YAF2: variants seen among roughly 807,000 people sequenced by gnomAD.
The protein encoded by YAF2 is YY1-associated factor 2.
In YAF2, 7 loss-of-function variants were observed where a neutral mutation model predicts 20.1. The observed-to-expected ratio is 0.35, with a 90% CI of 0.20 to 0.65. The LOEUF (loss-of-function observed/expected upper bound fraction) is 0.65. YAF2 is among the 30% of genes least tolerant of loss of function. The probability of loss-of-function intolerance (pLI) is 0.69; values close to 1 mark genes in which losing one functional copy is unlikely to be tolerated. For synonymous variants in YAF2, 74 were observed against 76.0 expected, an observed-to-expected ratio of 0.97 and a Z score of 0.14; for missense variants, 151 against 219.2, an observed-to-expected ratio of 0.69 and a Z score of 1.96.
intron 2 of YAF2, chr12:42,235,504 T>A: frequency 7.9e-7 from 1 of 1,271,890 alleles, no homozygotes; most frequent in Non-Finnish European, 1.0e-6. Context: ...AAATAACAGA[T>A]AACAGAGAAA....
At chr12:42,195,862 A>G (rs1295996034) in intron 2 of YAF2, among the ~76,000 whole-genome samples, 1 of 152,100 alleles carries the variant, frequency 6.6e-6, no homozygotes. Context: ...ATTGAAATGA[A>G]TAGAAATTAA....
intron 2 of YAF2, among the ~76,000 whole-genome samples, chr12:42,187,476 T>C (rs1276060804): frequency 2.0e-5 from 3 of 152,140 alleles, no homozygotes; most frequent in South Asian, 4.1e-4. Flanking sequence ...AATCTTTTTT[T>C]TTTTAAACTT....
At chr12:42,217,033 G>T (rs2067376353) in intron 2 of YAF2, among the ~76,000 whole-genome samples, 1 of 152,122 alleles carries the variant, frequency 6.6e-6, no homozygotes, top group African/African-American at 2.4e-5. Context: ...CCCTTGTTCA[G>T]GACATTACTG....
intron 2 of YAF2, chr12:42,234,737 C>T: frequency 1.0e-6 from 1 of 982,892 alleles, no homozygotes; most frequent in Admixed American, 6.1e-5. Context: ...CCTATAATCC[C>T]AGTTCTTTGG....
intron 2 of YAF2, among the ~76,000 whole-genome samples, chr12:42,165,214 G>A (rs1220519118): frequency 1.3e-5 from 2 of 152,072 alleles, no homozygotes; most frequent in Non-Finnish European, 2.9e-5. Flanking sequence ...AAAAAACTGT[G>A]TGTTGTGATA....
intron 2 of YAF2, chr12:42,235,774 G>T (rs2068131044): frequency 1.3e-6 from 2 of 1,535,068 alleles, no homozygotes. Flanking sequence ...AAAAAAAAAT[G>T]TCAGGGGCCC....
intron 2 of YAF2, among the ~76,000 whole-genome samples, chr12:42,207,111 C>T (rs982188039): frequency 2.0e-5 from 3 of 152,130 alleles, no homozygotes; most frequent in Non-Finnish European, 4.4e-5. Flanking sequence ...AAAGCACTCT[C>T]AATATAACGA....
chr12:42,174,141 T>C (rs2066122881), intron 2 of YAF2, among the ~76,000 whole-genome samples: 2 of 151,954 alleles, frequency 1.3e-5, no homozygotes, highest in Admixed American at 1.3e-4. Context: ...TACATCCCTG[T>C]CTAGCCACTG....
At chr12:42,228,665 G>T (rs1218040307) in intron 2 of YAF2, among the ~76,000 whole-genome samples, 1 of 107,366 alleles carries the variant, frequency 9.3e-6, no homozygotes. Context: ...GTGGGGGGGG[G>T]GTCAGCCCCC....
intron 2 of YAF2, among the ~76,000 whole-genome samples, chr12:42,201,236 C>G (rs1478331640): frequency 6.6e-6 from 1 of 152,092 alleles, no homozygotes; most frequent in African/African-American, 2.4e-5. Flanking sequence ...AGACTAATAC[C>G]TTGAATAGTA....
chr12:42,177,937 CCTA>C (rs1341428880), intron 2 of YAF2, among the ~76,000 whole-genome samples: 10 of 152,098 alleles, frequency 6.6e-5, no homozygotes, highest in Non-Finnish European at 1.2e-4. Context: ...CACTTCTCTA[CCTA>C]CTACATTACA....
intron 2 of YAF2, among the ~76,000 whole-genome samples, chr12:42,222,471 C>T (rs1372694238): frequency 6.6e-6 from 1 of 152,132 alleles, no homozygotes; most frequent in African/African-American, 2.4e-5. Flanking sequence ...ATTTGACTAG[C>T]GGACCATCTT....
rs1481160877 is a variant in YAF2 at position 42,227,732 on chromosome 12, C to G, written c.152+9867G>C. On this transcript the variant is annotated intron_variant, in intron 2 of 3. Coordinates refer to ENST00000534854, the MANE Select transcript of YAF2 (RefSeq NM_005748.6). ...GAGCGTCTCCGCCCGGCAGCCACCCCGTCCGGGAGGGAGGTGGGGGGGTCA... is the reference window on the plus strand; with the variant it reads ...GAGCGTCTCCGCCCGGCAGCCACCCGGTCCGGGAGGGAGGTGGGGGGGTCA... Among the ~76,000 whole-genome samples, 9 of 150,326 alleles carry G rather than the reference C, an allele frequency of 6.0e-5. No homozygotes were observed. The South Asian group carries it at 1.9e-3, about 32-fold the overall frequency.
intron 2 of YAF2, among the ~76,000 whole-genome samples, chr12:42,171,433 T>A (rs2066044808): frequency 6.6e-6 from 1 of 151,704 alleles, no homozygotes; most frequent in South Asian, 2.1e-4. Context: ...GGGGCTGCAG[T>A]GCACTATGAT....
chr12:42,169,816 T>C (rs1320285727), intron 2 of YAF2, among the ~76,000 whole-genome samples: 1 of 152,092 alleles, frequency 6.6e-6, no homozygotes, highest in Non-Finnish European at 1.5e-5. Context: ...TTTTAGGAAG[T>C]AGCAGGGTTA....
chr12:42,231,583 C>G (rs2067985621), intron 2 of YAF2: 1 of 152,144 alleles, frequency 6.6e-6, no homozygotes, highest in South Asian at 2.1e-4. Context: ...CCCTTAAAAT[C>G]TGTTGGTATT....
At chr12:42,218,380 T>C (rs2137285758) in intron 2 of YAF2, among the ~76,000 whole-genome samples, 1 of 152,290 alleles carries the variant, frequency 6.6e-6, no homozygotes, top group African/African-American at 2.4e-5. Flanking sequence ...TGCTCGTAAA[T>C]GTTATATCTT....
At chr12:42,167,213 G>A (rs530508601) in intron 2 of YAF2, among the ~76,000 whole-genome samples, 4 of 152,126 alleles carry the variant, frequency 2.6e-5, no homozygotes, top group South Asian at 4.1e-4. Flanking sequence ...CCTAGATGAC[G>A]GGTTGACAGT....
At chr12:42,206,534 A>G (rs1406640020) in intron 2 of YAF2, among the ~76,000 whole-genome samples, 1 of 151,772 alleles carries the variant, frequency 6.6e-6, no homozygotes, top group African/African-American at 2.4e-5. Flanking sequence ...GCTTGAACCC[A>G]GGGGGTGGAG....
Sources: gnomAD v4.1 joint callset for allele counts (sites outside exome capture counted in the v4.1 genomes callset) on GRCh38, gnomAD v4.1.1 for gene constraint, MANE v1.5 for transcripts, NCBI Gene and HGNC (gene_info 2026-07-23, HGNC 2026-07-21) for gene names.